NPHS1: variants seen among roughly 807,000 people sequenced by gnomAD.
The protein encoded by NPHS1 is NPHS1 adhesion molecule, nephrin.
A neutral mutation model predicts 139.7 loss-of-function variants in NPHS1; 107 were observed. The ratio of observed to expected loss-of-function variants is 0.77; its 90% CI spans 0.66 to 0.90. The LOEUF is 0.90. Among genes scored for constraint, NPHS1 ranks in the 40% least tolerant of loss-of-function variants. The pLI, the probability that NPHS1 is intolerant of heterozygous loss-of-function variation, is 0.00. For synonymous variants in NPHS1, 707 were observed against 706.6 expected, an observed-to-expected ratio of 1.00 and a Z score of -0.01; for missense variants, 1,580 against 1,654.2, an observed-to-expected ratio of 0.96 and a Z score of 0.78.
chr19:35,837,073 A>AGAAAAAG (rs765643414), intron 22 of NPHS1, among the ~76,000 whole-genome samples: 1 of 130,496 alleles, frequency 7.7e-6, no homozygotes, highest in East Asian at 2.3e-4. Context: ...AAAGAAAGAA[A>AGAAAAAG]AATAAACTGA....
In NPHS1 at chr19:35,844,263, G is replaced by C. The variant is rs1311816895; in HGVS notation, c.2072-20C>G. 4 of 1,613,636 alleles carry C rather than the reference G, an allele frequency of 2.5e-6. No homozygotes were observed. Among genetic ancestry groups the C allele is most frequent in the Admixed American group, 3.3e-5 (2 of 60,012 alleles). Reference sequence around the variant, plus strand: ...CGCCCGCTGGGGAAGGCCAGAATAAGGGACCTGGCAGGACCTCCCATCCCC... The same window carrying C: ...CGCCCGCTGGGGAAGGCCAGAATAACGGACCTGGCAGGACCTCCCATCCCC... On this transcript the variant is annotated intron_variant, in intron 15 of 28. Transcript: ENST00000378910.
rs192760337 is a variant in NPHS1, at chr19:35,842,956, C to T, written c.2335-406G>A. Among the ~76,000 whole-genome samples the T allele has an allele frequency of 1.6e-4, 24 of 152,298 alleles. No homozygotes were observed. In the Middle Eastern group the frequency reaches 0.01, roughly 65 times the overall value. ...ACCCATTCACTCAACTATTCACTCA[C>T]GCTTGCACACCCATAAATACATGCA... On this transcript the variant is annotated intron_variant, in intron 17 of 28. Transcript: ENST00000378910.
Position 35,851,820 on chromosome 19 carries a change from C to A in NPHS1, c.18G>T (p.Thr6=), listed in dbSNP as rs370650840. The change falls in exon 1 of 29, where the codon ACG becomes ACT. Residue 6 remains threonine (T), a synonymous_variant. Coordinates refer to ENST00000378910, the MANE Select transcript of NPHS1 (RefSeq NM_004646.4). Reference sequence around the variant, plus strand: ...CCAGGAGCAGGAGAGAAGCCCTGAGCGTCGTCCCCAGGGCCATCACAGGTC... The same window carrying A: ...CCAGGAGCAGGAGAGAAGCCCTGAGAGTCGTCCCCAGGGCCATCACAGGTC... MALGT[T]LRASLLLLGL... is the part of the protein sequence containing the mutation. 2 of 1,552,254 alleles carry A rather than the reference C, an allele frequency of 1.3e-6. No homozygotes were observed. The highest frequency in any genetic ancestry group is 8.7e-7 in the Non-Finnish European group (1 of 1,147,490).
intron 28 of NPHS1, 95 bp from the exon 29 acceptor site, chr19:35,826,740 G>A (rs1972805714): frequency 7.1e-7 from 1 of 1,407,550 alleles, no homozygotes; most frequent in Non-Finnish European, 1.0e-6. Flanking sequence ...TAACTTCCCA[G>A]AAAAAAGTGT....
At chr19:35,837,371 T>G (rs1260236573) in intron 22 of NPHS1, among the ~76,000 whole-genome samples, 1 of 152,228 alleles carries the variant, frequency 6.6e-6, no homozygotes, top group African/African-American at 2.4e-5. Flanking sequence ...CTTCTTCCAT[T>G]CCTGTTATTG....
chr19:35,842,271 T>TG lies in NPHS1; in HGVS notation c.2515dup (p.Gln839ProfsTer10). 2 of 1,612,584 alleles carry TG rather than the reference T, an allele frequency of 1.2e-6. No individual in the cohort carries two copies. The highest frequency in any genetic ancestry group is 1.7e-6 in the Non-Finnish European group (2 of 1,179,936). On this transcript the variant is annotated frameshift_variant, in exon 19 of 29. Transcript: ENST00000378910. LOFTEE classifies it high-confidence loss of function. ...AGTTAGGGGAGTGGGGTGCTCCACC[T>TG]GGGGGGCAACTGGGAGGGGATGGGC...
Position 35,846,131 on chromosome 19 carries a change from C to G in NPHS1, c.1504G>C (p.Val502Leu), listed in dbSNP as rs186060489. Residue 502 changes from valine to leucine, a missense_variant, in exon 12 of 29, where the codon GTG (valine) becomes CTG (leucine). Transcript: ENST00000378910. ...QESRRVHLGS[V>L]EKSGSTFSRE... ...GAGAAGGTGCTCCCAGATTTCTCCA[C>G]GCTGCCGAGATGCACGCGCCGCGAC... 2 of 1,597,888 alleles carry G rather than the reference C, an allele frequency of 1.3e-6. No homozygotes were observed. The highest frequency in any genetic ancestry group is 1.7e-5 in the Admixed American group (1 of 57,452).
chr19:35,847,823 C>A, intron 11 of NPHS1: 1 of 512,644 alleles, frequency 2.0e-6, no homozygotes, highest in Non-Finnish European at 3.4e-6. Context: ...CAATTTTTAT[C>A]CTAAAATTCT....
At chr19:35,835,199 C>CAAAAAAAAA (rs71167570) in intron 23 of NPHS1, among the ~76,000 whole-genome samples, 9 of 71,206 alleles carry the variant, frequency 1.3e-4, no homozygotes, top group Non-Finnish European at 1.5e-4. Context: ...GACTCTGTCT[C>CAAAAAAAAA]AAAAAAAAAA....
intron 16 of NPHS1, 51 bp downstream of exon 16, chr19:35,844,052 A>G: frequency 7.5e-6 from 12 of 1,593,046 alleles, no homozygotes; most frequent in Non-Finnish European, 1.0e-5. Context: ...AGACTCCACA[A>G]TGGGCAAGGT....
At chr19:35,835,275 G>T (rs113051016) in intron 23 of NPHS1, among the ~76,000 whole-genome samples, 97 of 145,504 alleles carry the variant, frequency 6.7e-4, no homozygotes, top group African/African-American at 2.3e-3. Flanking sequence ...CTGCAATTCT[G>T]CAGGGACAGA....
At chr19:35,840,322 T>C (rs1973036261) in intron 20 of NPHS1, among the ~76,000 whole-genome samples, 1 of 145,722 alleles carries the variant, frequency 6.9e-6, no homozygotes, top group African/African-American at 2.5e-5. Context: ...GTTTCTTTTC[T>C]TTTTTTTTTC....
chr19:35,848,582 G>A (rs751711841), intron 9 of NPHS1, 55 bp downstream of exon 9: 55 of 1,606,464 alleles, frequency 3.4e-5, no homozygotes, highest in Non-Finnish European at 4.4e-5. Context: ...CTATCCACGA[G>A]TCATGCCCTC....
chr19:35,849,394 G>T, intron 6 of NPHS1, 31 bp from the exon 7 acceptor site: 1 of 1,605,946 alleles, frequency 6.2e-7, no homozygotes, highest in African/African-American at 1.3e-5. Flanking sequence ...AGTGGGCCTG[G>T]AGTAGCCCAT....
rs755673117 is a variant in NPHS1, at chr19:35,839,277, T to G, written c.3069A>C (p.Gly1023=). 6 of 1,614,178 alleles carry G rather than the reference T, an allele frequency of 3.7e-6. No individual in the cohort carries two copies. Among genetic ancestry groups the G allele is most frequent in the Non-Finnish European group, 5.1e-6 (6 of 1,180,036 alleles). The part of the protein sequence containing the change: ...LLASNALGDS[G]LADKGTQLPI... ...GAAGCTGGGTCCCTTTGTCAGCCAG[T>G]CCACTGTCCCCCAAGGCATTACTGG... is the stretch of plus-strand genomic sequence containing the variant. Residue 1023 remains glycine (G), a synonymous_variant, in exon 22 of 29, where the codon GGA becomes GGC. Transcript: ENST00000378910.
In NPHS1 at chr19:35,830,898, T is replaced by A. The variant is rs904988950; in HGVS notation, c.3540A>T (p.Glu1180Asp). 31 of 1,614,072 alleles carry A rather than the reference T, an allele frequency of 1.9e-5. No individual in the cohort carries two copies. The highest frequency in any genetic ancestry group is 2.6e-5 in the Non-Finnish European group (31 of 1,179,944). ...AFPGHLYDEV[E>D]RTYPPSGAWG... Reference sequence around the variant, plus strand: ...AGGCTCCAGACGGGGGGTACGTTCTTTCTACCTCATCATACAAGTGCCCAG... The same window carrying A: ...AGGCTCCAGACGGGGGGTACGTTCTATCTACCTCATCATACAAGTGCCCAG... The change falls in exon 28 of 29, where the codon GAA becomes GAT. Residue 1180 changes from glutamate (E) to aspartate (D), a missense_variant. Coordinates refer to ENST00000378910, the MANE Select transcript of NPHS1 (RefSeq NM_004646.4).
In NPHS1 at chr19:35,848,118, G is replaced by C; in HGVS notation, c.1363C>G (p.Leu455Val). 6.2e-7 allele frequency: 1 copy of C among 1,614,050 alleles called. No individual in the cohort carries two copies. Among genetic ancestry groups the C allele is most frequent in the Non-Finnish European group, 8.5e-7 (1 of 1,180,006 alleles). The stretch of plus-strand genomic sequence containing the variant: ...AGCCTCACCCGGGTCCCAGCCCGGA[G>C]CTTCTGGCCCTCTGGGGGACCCTCA... ...WIEGPPEGQK[L>V]RAGTRVRLVC... The change falls in exon 11 of 29, where the codon CTC (leucine) becomes GTC (valine). Residue 455 changes from leucine to valine, a missense_variant. By Grantham distance (32) the Leu-to-Val change is conservative. Coordinates refer to ENST00000378910, the MANE Select transcript of NPHS1 (RefSeq NM_004646.4).
intron 14 of NPHS1, among the ~76,000 whole-genome samples, chr19:35,844,699 G>C (rs148423357): frequency 6.6e-6 from 1 of 152,164 alleles, no homozygotes; most frequent in Non-Finnish European, 1.5e-5. Flanking sequence ...GGAGTCATGA[G>C]GGGGGTTAGG....
At chr19:35,831,528 G>A in intron 24 of NPHS1, 28 bp from the exon 25 acceptor site, 1 of 1,613,900 alleles carries the variant, frequency 6.2e-7, no homozygotes. Flanking sequence ...AAAGGGCTCA[G>A]TGACCCTATG....
Sources: gnomAD v4.1 joint callset for allele counts (sites outside exome capture counted in the v4.1 genomes callset) on GRCh38, gnomAD v4.1.1 for gene constraint, MANE v1.5 for transcripts, NCBI Gene and HGNC (gene_info 2026-07-23, HGNC 2026-07-21) for gene names.